ARHGEF40: variants seen among roughly 807,000 people sequenced by gnomAD.
ARHGEF40 encodes Rho guanine nucleotide exchange factor 40.
ARHGEF40 carries 98 observed loss-of-function variants against 165.9 expected under a neutral mutation model. The ratio of observed to expected loss-of-function variants is 0.59; its 90% CI spans 0.50 to 0.70. ARHGEF40 has a LOEUF of 0.70. Among genes scored for constraint, ARHGEF40 ranks in the 30% least tolerant of loss-of-function variants. The probability of loss-of-function intolerance (pLI) is 0.00; values close to 1 mark genes in which losing one functional copy is unlikely to be tolerated. For synonymous variants in ARHGEF40, 792 were observed against 814.3 expected (o/e 0.97, Z 0.47); for missense variants, 1,815 against 1,968.0 (o/e 0.92, Z 1.47).
chr14:21,076,372 G>T lies in ARHGEF40; in HGVS notation c.1752G>T (p.Gln584His). 2 of 1,613,434 alleles carry T rather than the reference G, an allele frequency of 1.2e-6. No individual in the cohort carries two copies. Among genetic ancestry groups the T allele is most frequent in the African/African-American group, 1.3e-5 (1 of 75,064 alleles). Residue 584 changes from glutamine to histidine, a missense_variant, in exon 6 of 24, where the codon CAG becomes CAT. Physicochemically the swap from Gln to His is conservative, Grantham distance 24. Coordinates refer to ENST00000298694, the MANE Select transcript of ARHGEF40 (RefSeq NM_018071.5). ...YLHSLLRPDL[Q>H]TLGLSVLLDL... is the part of the protein sequence containing the mutation. ...CCTGCTCCCGCAGGCCTGATCTACA[G>T]ACACTGGGGCTGTCCGTCCTGCTGG...
In ARHGEF40 at chr14:21,084,057, C is replaced by T. The variant is rs957284324; in HGVS notation, c.3789+7C>T. On this transcript the variant is annotated splice_region_variant and intron_variant, in intron 17 of 23. Transcript: ENST00000298694. ...GGCGGTGCGTGGCTGTGAGGTGAGG[C>T]CCTAGCTCCAGTCACTGCTGCTCAA... 5.0e-6 allele frequency: 8 copies of T among 1,596,904 alleles called. No homozygotes were observed. The highest frequency in any genetic ancestry group is 6.8e-6 in the Non-Finnish European group (8 of 1,172,398).
chr14:21,081,095 G>A, intron 13 of ARHGEF40, 79 bp downstream of exon 13: 2 of 1,529,332 alleles, frequency 1.3e-6, no homozygotes, highest in Non-Finnish European at 1.8e-6. Flanking sequence ...GGCTAATCAA[G>A]TTGTTAAAAG....
intron 8 of ARHGEF40, 147 bp downstream of exon 8, chr14:21,077,037 T>G (rs1398985362): frequency 1.1e-5 from 7 of 622,652 alleles, no homozygotes; most frequent in Non-Finnish European, 2.0e-5. Flanking sequence ...TATTTATGGC[T>G]CCCAAATCAT....
rs1886640662 is a variant in ARHGEF40 at position 21,070,462 on chromosome 14, C to T, written c.3+63C>T. 6 of 1,356,266 alleles carry T rather than the reference C, an allele frequency of 4.4e-6. No homozygotes were observed. The highest frequency in any genetic ancestry group is 5.7e-6 in the Non-Finnish European group (6 of 1,060,296). The allele number at this position is 1,356,266 out of a possible 1,614,324, so 84.0% of individuals were successfully genotyped here. On this transcript the variant is annotated intron_variant, in intron 1 of 23. Coordinates refer to ENST00000298694, the MANE Select transcript of ARHGEF40 (RefSeq NM_018071.5). The surrounding 1 kb of genome is among the most constrained non-coding windows in gnomAD (Gnocchi z 4.7). ...CTTCGCGCAGCCCGCTCCGGGCCCC[C>T]AAGTCCTCAGCCTGGTGCCTCCCGA...
upstream of ARHGEF40, among the ~76,000 whole-genome samples, chr14:21,068,124 C>G: frequency 4.3e-5 from 2 of 46,950 alleles, 1 homozygote; most frequent in African/African-American, 9.3e-5. Context: ...CTCAGCCTCC[C>G]GAGTAGCTGG....
chr14:21,084,059 C>T lies in ARHGEF40; in HGVS notation c.3789+9C>T. Reference sequence around the variant, plus strand: ...CGGTGCGTGGCTGTGAGGTGAGGCCCTAGCTCCAGTCACTGCTGCTCAAAC... The same window carrying T: ...CGGTGCGTGGCTGTGAGGTGAGGCCTTAGCTCCAGTCACTGCTGCTCAAAC... On this transcript the variant is annotated intron_variant, in intron 17 of 23. Transcript: ENST00000298694. 6.3e-7 allele frequency: 1 copy of T among 1,595,518 alleles called. No individual in the cohort carries two copies. Among genetic ancestry groups the T allele is most frequent in the Non-Finnish European group, 8.5e-7 (1 of 1,171,662 alleles).
At chr14:21,062,904 G>A in the ARHGEF40 span, among the ~76,000 whole-genome samples, 2 of 150,926 alleles carry the variant, frequency 1.3e-5, no homozygotes, top group African/African-American at 4.9e-5. Context: ...AATAGAGCCC[G>A]GGTGTTCAAG....
In ARHGEF40 at chr14:21,081,847, G is replaced by A. The variant is rs754078093; in HGVS notation, c.2979G>A (p.Leu993=). ...RSPSPSLSSL[L]LPSSPGPRPA... ...CCTCGCCCAGCCTCAGCTCCTTGCT[G>A]CTCCCCAGCAGCCCTGGGCCACGGC... Residue 993 remains leucine, a synonymous_variant, in exon 14 of 24, where the codon CTG becomes CTA. Transcript: ENST00000298694. 3.7e-6 allele frequency: 6 copies of A among 1,611,454 alleles called. No individual in the cohort carries two copies. Among genetic ancestry groups the A allele is most frequent in the South Asian group, 1.1e-5 (1 of 90,832 alleles).
Position 21,073,165 on chromosome 14 carries a change from G to A in ARHGEF40, c.124G>A (p.Glu42Lys). The A allele has an allele frequency of 6.2e-7, 1 of 1,614,094 alleles. No homozygotes were observed. The highest frequency in any genetic ancestry group is 8.5e-7 in the Non-Finnish European group (1 of 1,179,998). The change falls in exon 2 of 24, where the codon GAG becomes AAG. Residue 42 changes from glutamate (E) to lysine (K), a missense_variant. Transcript: ENST00000298694. This position sits in a 1 kb window ranked among gnomAD's most constrained non-coding sequence, Gnocchi z 4.6. ...VFQVVERTYR[E>K]DALRYTLDFL... ...CCAGGTGGTGGAGAGGACTTATCGG[G>A]AGGACGCACTGAGGTACACGCTGGA...
Position 21,075,138 on chromosome 14 carries a change from GGA to G in ARHGEF40, c.1418_1419del (p.Glu473AlafsTer21). 3 of 1,611,282 alleles carry G rather than the reference GGA, an allele frequency of 1.9e-6. No homozygotes were observed. The highest frequency in any genetic ancestry group is 8.5e-7 in the Non-Finnish European group (1 of 1,179,150). On this transcript the variant is annotated frameshift_variant, in exon 3 of 24. Coordinates refer to ENST00000298694, the MANE Select transcript of ARHGEF40 (RefSeq NM_018071.5). LOFTEE classifies it high-confidence loss of function. This position sits in a 1 kb window ranked among gnomAD's most constrained non-coding sequence, Gnocchi z 4.5. Reference sequence around the variant, plus strand: ...CTGTGGGCCTACAGAAGAGGGGGCCGGAGAGAGAGAGCTGGAGGGGCCAGGCC... The same window carrying G: ...CTGTGGGCCTACAGAAGAGGGGGCCGGAGAGAGAGCTGGAGGGGCCAGGCC... ...EACGPTEEGA[G>X]ERELEGPGLL...
intron 8 of ARHGEF40, among the ~76,000 whole-genome samples, chr14:21,077,138 T>C (rs1001663044): frequency 4.6e-5 from 7 of 152,192 alleles, no homozygotes; most frequent in African/African-American, 7.2e-5. Context: ...ACAGTCTCAC[T>C]CTGTCACCCA....
In ARHGEF40 at chr14:21,075,025, A is replaced by C; in HGVS notation, c.1295A>C (p.Lys432Thr). 1 of 1,613,976 alleles carries C rather than the reference A, an allele frequency of 6.2e-7. No individual in the cohort carries two copies. Among genetic ancestry groups the C allele is most frequent in the South Asian group, 1.1e-5 (1 of 91,082 alleles). The change falls in exon 3 of 24, where the codon AAG becomes ACG. Residue 432 changes from lysine (K) to threonine (T), a missense_variant. Transcript: ENST00000298694. This position sits in a 1 kb window ranked among gnomAD's most constrained non-coding sequence, Gnocchi z 4.5. ...AAGCTTCCAGAATGCCACCTGGTTA[A>C]GGAGGAATATGAAGGCTCAGGGAAG... Reference protein sequence around the residue: ...EHKLPECHLVKEEYEGSGKPE... With the variant: ...EHKLPECHLVTEEYEGSGKPE...
rs1887376831 is a variant in ARHGEF40 at position 21,075,844 on chromosome 14, A to G, written c.1739+79A>G. The G allele has an allele frequency of 2.6e-6, 4 of 1,540,672 alleles. No homozygotes were observed. Among genetic ancestry groups the G allele is most frequent in the Non-Finnish European group, 3.5e-6 (4 of 1,137,000 alleles). ...ACCCTCACCTCCTTCTTCTCAGGAC[A>G]CTGACCTTCTGACCTCTAAGGACAC... On this transcript the variant is annotated intron_variant, in intron 5 of 23. Transcript: ENST00000298694. The surrounding 1 kb of genome is among the most constrained non-coding windows in gnomAD (Gnocchi z 4.5).
Position 21,084,835 on chromosome 14 carries a change from T to G in ARHGEF40, c.3872T>G (p.Val1291Gly). The change falls in exon 18 of 24, where the codon GTC (valine) becomes GGC (glycine). Residue 1291 changes from valine (V) to glycine (G), a missense_variant. Coordinates refer to ENST00000298694, the MANE Select transcript of ARHGEF40 (RefSeq NM_018071.5). The part of the protein sequence containing the change: ...ICGRKKCLRH[V>G]FLFEHLLLFS... ...GGCCGAAAGAAGTGCCTTCGCCATG[T>G]CTTTCTCTTCGAGCATCTCCTCCTG... 1 of 1,614,230 alleles carries G rather than the reference T, an allele frequency of 6.2e-7. No individual in the cohort carries two copies. Among genetic ancestry groups the G allele is most frequent in the Non-Finnish European group, 8.5e-7 (1 of 1,180,042 alleles).
chr14:21,072,927 T>C lies in ARHGEF40; in HGVS notation c.4-118T>C. The stretch of plus-strand genomic sequence containing the variant: ...CAGCATTTCCTGAGTGCTCACTTTT[T>C]GCCCACATTGTACAATCGGGGCTTT... On this transcript the variant is annotated intron_variant, in intron 1 of 23. Coordinates refer to ENST00000298694, the MANE Select transcript of ARHGEF40 (RefSeq NM_018071.5). The surrounding 1 kb of genome is among the most constrained non-coding windows in gnomAD (Gnocchi z 4.1). 1 of 1,040,058 alleles carries C rather than the reference T, an allele frequency of 9.6e-7. No homozygotes were observed. Among genetic ancestry groups the C allele is most frequent in the Non-Finnish European group, 1.4e-6 (1 of 706,370 alleles). The allele number at this position is 1,040,058 out of a possible 1,614,324, so 64.4% of individuals were successfully genotyped here. A position where few individuals can be genotyped will look rare whatever the true frequency, so the allele number is the denominator to read the frequency against.
In ARHGEF40 at chr14:21,087,339, C is replaced by G. The variant is rs146105762; in HGVS notation, c.4263C>G (p.Ser1421=). The part of the protein sequence containing the change: ...LTGRAARTRA[S]VAVSSFEHAG... The stretch of plus-strand genomic sequence containing the variant: ...CTGCAGCCGCCCGCACCCGGGCCTC[C>G]GTGGCCGTGTCATCCTTTGAGCATG... The change falls in exon 21 of 24, where the codon TCC becomes TCG. Residue 1421 remains serine (S), a synonymous_variant. Transcript: ENST00000298694. The G allele has an allele frequency of 2.5e-6, 4 of 1,606,400 alleles. No homozygotes were observed. Among genetic ancestry groups the G allele is most frequent in the Non-Finnish European group, 2.5e-6 (3 of 1,179,530 alleles).
Position 21,075,140 on chromosome 14 carries a change from A to G in ARHGEF40, c.1410A>G (p.Gly470=). 6.2e-7 allele frequency: 1 copy of G among 1,610,696 alleles called. No homozygotes were observed. The highest frequency in any genetic ancestry group is 8.5e-7 in the Non-Finnish European group (1 of 1,178,958). ...GTGGGCCTACAGAAGAGGGGGCCGG[A>G]GAGAGAGAGCTGGAGGGGCCAGGCC... The part of the protein sequence containing the change: ...EACGPTEEGA[G]ERELEGPGLL... The change falls in exon 3 of 24, where the codon GGA becomes GGG. Residue 470 remains glycine (G), a synonymous_variant. Transcript: ENST00000298694. This position sits in a 1 kb window ranked among gnomAD's most constrained non-coding sequence, Gnocchi z 4.5.
chr14:21,081,290 C>T, intron 13 of ARHGEF40: 5 of 774,422 alleles, frequency 6.5e-6, no homozygotes, highest in Non-Finnish European at 8.0e-6. Context: ...TCATAAATGT[C>T]GTATGAGTAC....
Position 21,070,337 on chromosome 14 carries a change from C to T in ARHGEF40, c.-60C>T. On this transcript the variant is annotated 5_prime_UTR_variant, in exon 1 of 24. Coordinates refer to ENST00000298694, the MANE Select transcript of ARHGEF40 (RefSeq NM_018071.5). This position sits in a 1 kb window ranked among gnomAD's most constrained non-coding sequence, Gnocchi z 4.7. ...CGAGACACGAGCGGCGGGAGGGAGG[C>T]GGTGGCGCGCCCGGCCCCGCCCGCC... 2.1e-6 allele frequency: 3 copies of T among 1,399,162 alleles called. No individual in the cohort carries two copies. The highest frequency in any genetic ancestry group is 1.5e-5 in the South Asian group (1 of 66,014). The allele number at this position is 1,399,162 out of a possible 1,614,324, so 86.7% of individuals were successfully genotyped here.
Sources: allele counts gnomAD v4.1 joint callset (sites outside exome capture counted in the v4.1 genomes callset), GRCh38; gene constraint gnomAD v4.1.1; non-coding constraint Gnocchi (gnomAD v3.1); transcripts MANE v1.5; gene names NCBI Gene and HGNC (gene_info 2026-07-23, HGNC 2026-07-21).